DNAH12: variants seen among roughly 807,000 people sequenced by gnomAD.
DNAH12 encodes axonemal beta dynein heavy chain 12.
Under a neutral mutation model 371.5 loss-of-function variants are expected in DNAH12, and 285 were observed. That is an observed-to-expected ratio of 0.77 (90% CI 0.70 to 0.85). The LOEUF (loss-of-function observed/expected upper bound fraction) is 0.85. Among genes scored for constraint, DNAH12 ranks in the 40% least tolerant of loss-of-function variants. The pLI is 0.00. For synonymous variants in DNAH12, 1,200 were observed against 1,213.0 expected, an observed-to-expected ratio of 0.99 and a Z score of 0.22; for missense variants, 3,611 against 3,689.4, an observed-to-expected ratio of 0.98 and a Z score of 0.55.
intron 47 of DNAH12, among the ~76,000 whole-genome samples, chr3:57,386,171 T>G (rs2063496682): frequency 1.3e-5 from 2 of 152,092 alleles, no homozygotes; most frequent in Non-Finnish European, 2.9e-5. Context: ...TGGTAAAAAA[T>G]TAATTAAAAA....
In DNAH12 at chr3:57,403,198, A is replaced by G. The variant is rs2063923249; in HGVS notation, c.6948+111T>C. 2.8e-6 allele frequency: 3 copies of G among 1,070,856 alleles called. No individual in the cohort carries two copies. In the East Asian group the frequency reaches 7.9e-5, roughly 28 times the overall value. The allele number at this position is 1,070,856 out of a possible 1,614,324, so 66.3% of individuals were successfully genotyped here. ...TAGATGCTCTATGGACAGTATTAGC[A>G]TCATCATCATCACTGGAGTTCAGTA... On this transcript the variant is annotated intron_variant, in intron 43 of 73. Coordinates refer to ENST00000495027, the MANE Select transcript of DNAH12 (RefSeq NM_001366028.2).
chr3:57,295,871 T>C (rs2107639833), intron 72 of DNAH12, among the ~76,000 whole-genome samples: 1 of 152,350 alleles, frequency 6.6e-6, no homozygotes, highest in East Asian at 1.9e-4. Context: ...TTGTCTCCTT[T>C]TCTCTATCCC....
chr3:57,508,048 G>A (rs532025734), intron 7 of DNAH12, among the ~76,000 whole-genome samples: 3 of 151,818 alleles, frequency 2.0e-5, no homozygotes, highest in Admixed American at 1.3e-4. Flanking sequence ...TTAGCTGGGT[G>A]TGGTGGTGTA....
chr3:57,404,765 T>C (rs1229272834), intron 42 of DNAH12, among the ~76,000 whole-genome samples: 3 of 152,078 alleles, frequency 2.0e-5, no homozygotes, highest in Non-Finnish European at 2.9e-5. Flanking sequence ...TTTTCACTAC[T>C]ACTCGTATGA....
At chr3:57,398,853 A>G (rs1168622420) in intron 43 of DNAH12, among the ~76,000 whole-genome samples, 1 of 152,224 alleles carries the variant, frequency 6.6e-6, no homozygotes, top group Non-Finnish European at 1.5e-5. Context: ...GAAGCCATAC[A>G]AAAGTATAAA....
At chr3:57,371,834 T>G (rs2063177789) in intron 55 of DNAH12, among the ~76,000 whole-genome samples, 1 of 150,258 alleles carries the variant, frequency 6.7e-6, no homozygotes, top group Non-Finnish European at 1.5e-5. Flanking sequence ...CTCATCAGAC[T>G]ATGTAGGTCA....
intron 55 of DNAH12, among the ~76,000 whole-genome samples, chr3:57,370,533 A>AG (rs2063149202): frequency 2.0e-5 from 3 of 152,216 alleles, no homozygotes; most frequent in Non-Finnish European, 4.4e-5. Flanking sequence ...ACAATATTAT[A>AG]AACAGACAAA....
intron 28 of DNAH12, 143 bp from the exon 29 acceptor site, chr3:57,444,959 C>T (rs2065435319): frequency 3.4e-6 from 4 of 1,163,760 alleles, no homozygotes; most frequent in Admixed American, 3.3e-5. Flanking sequence ...CTCTGGAATC[C>T]CTATAATAAA....
At chr3:57,404,491 G>C (rs565308198) in intron 42 of DNAH12, among the ~76,000 whole-genome samples, 2 of 152,128 alleles carry the variant, frequency 1.3e-5, no homozygotes, top group African/African-American at 4.8e-5. Context: ...CAAGGCAGGC[G>C]GATCACTTGA....
Position 57,309,191 on chromosome 3 carries a change from T to G in DNAH12, c.11149A>C (p.Met3717Leu). Residue 3717 changes from methionine (M) to leucine (L), a missense_variant, in exon 69 of 74, where the codon ATG becomes CTG. By Grantham distance (15) the Met-to-Leu change is conservative (BLOSUM62 2). Transcript: ENST00000495027. ...ATTTCTTGTACTAACACAGTATTCATGCTTTCTTCATATCTCACAGGATAC... is the reference window on the plus strand; with the variant it reads ...ATTTCTTGTACTAACACAGTATTCAGGCTTTCTTCATATCTCACAGGATAC... ...RKYPVRYEES[M>L]NTVLVQEMER... The G allele has an allele frequency of 6.5e-7, 1 of 1,550,328 alleles. No individual in the cohort carries two copies. The highest frequency in any genetic ancestry group is 2.4e-5 in the East Asian group (1 of 40,840).
At chr3:57,313,919 A>G (rs1450104125) in intron 66 of DNAH12, among the ~76,000 whole-genome samples, 2 of 152,188 alleles carry the variant, frequency 1.3e-5, no homozygotes, top group Admixed American at 6.5e-5. Flanking sequence ...CTAATATTCA[A>G]CAAGGGTAGA....
rs1407756841 is a variant in DNAH12 at position 57,302,565 on chromosome 3, G to GTTTTTTTTTT, written c.11190-627_11190-626insAAAAAAAAAA. On this transcript the variant is annotated intron_variant, in intron 69 of 73. Transcript: ENST00000495027. Reference sequence around the variant, plus strand: ...TATATATATATATATATATATATATGTATTTTTTTTTTTTTTTTTTTTTTT... The same window carrying GTTTTTTTTTT: ...TATATATATATATATATATATATATGTTTTTTTTTTTATTTTTTTTTTTTTTTTTTTTTTT... Among the ~76,000 whole-genome samples, 35 of 28,852 alleles carry GTTTTTTTTTT rather than the reference G, an allele frequency of 1.2e-3. 1 individual carries two copies. The highest frequency in any genetic ancestry group is 7.1e-3 in the East Asian group (1 of 140). 18.9% of individuals were successfully genotyped at this position (28,852 alleles called of 152,430 possible).
intron 4 of DNAH12, among the ~76,000 whole-genome samples, chr3:57,521,282 T>C (rs2068430224): frequency 6.6e-6 from 1 of 152,034 alleles, no homozygotes; most frequent in Non-Finnish European, 1.5e-5. Context: ...AGCTTTAGGC[T>C]GAGGTTTTTT....
intron 59 of DNAH12, among the ~76,000 whole-genome samples, chr3:57,354,116 A>T (rs918613240): frequency 2.0e-5 from 3 of 152,204 alleles, no homozygotes; most frequent in Admixed American, 6.5e-5. Flanking sequence ...CATGGAATCA[A>T]CCTAGATGCC....
intron 33 of DNAH12, among the ~76,000 whole-genome samples, chr3:57,429,448 T>A (rs1235438352): frequency 6.6e-6 from 1 of 152,190 alleles, no homozygotes; most frequent in Non-Finnish European, 1.5e-5. Flanking sequence ...AGTGCTGGAA[T>A]TACAGGCGTG....
At chr3:57,386,990 G>A (rs2063510510) in intron 46 of DNAH12, 96 bp downstream of exon 46, 1 of 152,194 alleles carries the variant, frequency 6.6e-6, no homozygotes, top group Non-Finnish European at 1.5e-5. Context: ...CAGTAGGAAA[G>A]GGGATAGCAG....
In DNAH12 at chr3:57,309,611, T is replaced by G. The variant is rs533543458; in HGVS notation, c.11085+55A>C. 66 of 1,371,554 alleles carry G rather than the reference T, an allele frequency of 4.8e-5. No homozygotes were observed. In the South Asian group the frequency reaches 1.1e-3, roughly 24 times the overall value. The allele number at this position is 1,371,554 out of a possible 1,614,324, so 85.0% of individuals were successfully genotyped here. A position where few individuals can be genotyped will look rare whatever the true frequency, so the allele number is the denominator to read the frequency against. Reference sequence around the variant, plus strand: ...AGTACATGGAGTTTTCAGATTGTCATTTCAGTATCATTTTTATTTATATTA... The same window carrying G: ...AGTACATGGAGTTTTCAGATTGTCAGTTCAGTATCATTTTTATTTATATTA... On this transcript the variant is annotated intron_variant, in intron 68 of 73. Coordinates refer to ENST00000495027, the MANE Select transcript of DNAH12 (RefSeq NM_001366028.2).
chr3:57,422,628 C>T (rs2064628144), intron 35 of DNAH12, among the ~76,000 whole-genome samples: 1 of 152,106 alleles, frequency 6.6e-6, no homozygotes, highest in Non-Finnish European at 1.5e-5. Flanking sequence ...CATAGTAAGA[C>T]CCCATCTCTA....
chr3:57,467,616 T>C (rs2066243287), intron 17 of DNAH12, among the ~76,000 whole-genome samples: 1 of 152,176 alleles, frequency 6.6e-6, no homozygotes, highest in Non-Finnish European at 1.5e-5. Flanking sequence ...AGTTTTATTA[T>C]AGTAAATTAT....
Sources: gnomAD v4.1 joint callset for allele counts (sites outside exome capture counted in the v4.1 genomes callset) on GRCh38, gnomAD v4.1.1 for gene constraint, MANE v1.5 for transcripts, NCBI Gene and HGNC (gene_info 2026-07-23, HGNC 2026-07-21) for gene names.